Variants in OR56A3 observed in about 807,000 individuals in gnomAD.
The protein encoded by OR56A3 is olfactory receptor 56A3.
OR56A3 carries 23 observed loss-of-function variants against 17.5 expected under a neutral mutation model. That is an observed-to-expected ratio of 1.32 (90% CI 0.95 to 1.87). The LOEUF (loss-of-function observed/expected upper bound fraction) is 1.87, where lower values mean the gene tolerates loss of function less well. Among genes scored for constraint, OR56A3 ranks in the 40% most tolerant of loss-of-function variants. The pLI, the probability that OR56A3 is intolerant of heterozygous loss-of-function variation, is 0.00. For synonymous variants in OR56A3, 175 were observed against 150.6 expected (o/e 1.16, Z -1.19); for missense variants, 366 against 380.1 (o/e 0.96, Z 0.31).
the OR56A3 span, among the ~76,000 whole-genome samples, chr11:6,011,982 A>C: frequency 6.6e-6 from 1 of 152,194 alleles, no homozygotes; most frequent in African/African-American, 2.4e-5. Context: ...GACACCAGGA[A>C]CCATAGGGCC....
the OR56A3 span, among the ~76,000 whole-genome samples, chr11:5,962,587 G>A: frequency 1.7e-4 from 25 of 148,596 alleles, no homozygotes; most frequent in African/African-American, 3.0e-4. Context: ...GCCAGACTGC[G>A]GACTGCAGTG....
At chr11:6,017,571 G>A in the OR56A3 span, among the ~76,000 whole-genome samples, 3 of 152,030 alleles carry the variant, frequency 2.0e-5, no homozygotes, top group Non-Finnish European at 4.4e-5. Flanking sequence ...TAATTCAATC[G>A]CCTCTCACTA....
the OR56A3 span, among the ~76,000 whole-genome samples, chr11:5,998,954 C>T: frequency 1.3e-5 from 2 of 152,190 alleles, no homozygotes; most frequent in Non-Finnish European, 2.9e-5. Context: ...GCATTGGAAG[C>T]CTGGTAGCCT....
chr11:5,995,358 G>C, the OR56A3 span, among the ~76,000 whole-genome samples: 3 of 152,334 alleles, frequency 2.0e-5, no homozygotes, highest in South Asian at 6.2e-4. Flanking sequence ...GGTTCATATG[G>C]CTCTTAACTA....
chr11:5,986,187 C>G, the OR56A3 span: 1 of 1,613,818 alleles, frequency 6.2e-7, no homozygotes, highest in South Asian at 1.1e-5. Context: ...GGGCCTCACT[C>G]CCTGGTACCT....
At chr11:5,952,700 C>T (rs190879561), downstream of OR56A3, among the ~76,000 whole-genome samples, 1 of 152,040 alleles carries the variant, frequency 6.6e-6, no homozygotes, top group Non-Finnish European at 1.5e-5. Flanking sequence ...AGGTTTGTCA[C>T]CTGGGCATAT....
chr11:6,003,208 A>G, the OR56A3 span: 17 of 1,043,286 alleles, frequency 1.6e-5, no homozygotes, highest in Non-Finnish European at 2.1e-5. Flanking sequence ...TATATTCATT[A>G]TCTCATTTCA....
In OR56A3 at chr11:5,947,389, G is replaced by A. The variant is rs1243263591; in HGVS notation, c.43G>A (p.Asp15Asn). ...TGACACCCTCTCCACTGAAGCTTCA[G>A]ACTTCCTCTTGAATTGTTTTGTCAG... The part of the protein sequence containing the change: ...RNDTLSTEAS[D>N]FLLNCFVRSP... The change falls in exon 3 of 3, where the codon GAC becomes AAC. Residue 15 changes from aspartate (D) to asparagine (N), a missense_variant. Physicochemically the swap from Asp to Asn is conservative, Grantham distance 23. Coordinates refer to ENST00000641160, the MANE Select transcript of OR56A3 (RefSeq NM_001003443.3). 1 of 1,613,504 alleles carries A rather than the reference G, an allele frequency of 6.2e-7. No homozygotes were observed. The highest frequency in any genetic ancestry group is 1.3e-5 in the African/African-American group (1 of 75,032).
chr11:6,018,152 G>T, the OR56A3 span, among the ~76,000 whole-genome samples: 1 of 151,932 alleles, frequency 6.6e-6, no homozygotes, highest in South Asian at 2.1e-4. Flanking sequence ...AGGCAGAGAC[G>T]CCAACGCCCA....
At chr11:5,942,566 G>T (rs1847845363) in intron 1 of OR56A3, among the ~76,000 whole-genome samples, 192 bp downstream of exon 1, 3 of 152,128 alleles carry the variant, frequency 2.0e-5, no homozygotes, top group Admixed American at 6.5e-5. Context: ...GAAATTTAGT[G>T]GCTTGAAAAC....
the OR56A3 span, among the ~76,000 whole-genome samples, chr11:5,984,941 G>A: frequency 6.6e-6 from 1 of 152,146 alleles, no homozygotes; most frequent in African/African-American, 2.4e-5. Context: ...CCAGATCTCA[G>A]GGCAACATCA....
the OR56A3 span, among the ~76,000 whole-genome samples, chr11:5,956,824 T>A: frequency 6.6e-6 from 1 of 152,218 alleles, no homozygotes; most frequent in South Asian, 2.1e-4. Context: ...CACATATTTC[T>A]ACACACTTCC....
the OR56A3 span, among the ~76,000 whole-genome samples, chr11:5,963,186 C>T: frequency 6.6e-6 from 1 of 152,006 alleles, no homozygotes; most frequent in Non-Finnish European, 1.5e-5. Flanking sequence ...ATTATTTCTG[C>T]TATTGTCTGT....
At chr11:5,994,632 C>G in the OR56A3 span, 2 of 778,678 alleles carry the variant, frequency 2.6e-6, no homozygotes, top group South Asian at 2.7e-5. Context: ...TCGCTCTTCA[C>G]AGACTGGCAC....
chr11:5,969,222 A>G, the OR56A3 span, among the ~76,000 whole-genome samples: 1 of 152,242 alleles, frequency 6.6e-6, no homozygotes, highest in African/African-American at 2.4e-5. Context: ...TTTCATTAAC[A>G]TTTATAACCA....
chr11:5,973,843 G>T, the OR56A3 span, among the ~76,000 whole-genome samples: 1 of 152,236 alleles, frequency 6.6e-6, no homozygotes, highest in South Asian at 2.1e-4. Flanking sequence ...AAATATGGAG[G>T]GACAAGATTG....
chr11:5,976,255 G>A, the OR56A3 span, among the ~76,000 whole-genome samples: 3 of 151,784 alleles, frequency 2.0e-5, no homozygotes, highest in South Asian at 2.1e-4. Flanking sequence ...AAAAGAAAAG[G>A]AACTTTAAGG....
rs201199906 is a variant in OR56A3 at position 5,948,118 on chromosome 11, A to G, written c.772A>G (p.Ile258Val). The G allele has an allele frequency of 1.9e-6, 3 of 1,614,180 alleles. No individual in the cohort carries two copies. Among genetic ancestry groups the G allele is most frequent in the Non-Finnish European group, 8.5e-7 (1 of 1,180,018 alleles). ...HFMLILFFST[I>V]LLVFVLTHVA... ...CATGCTCATCCTCTTCTTCAGCACC[A>G]TCCTTCTGGTTTTTGTCCTCACACA... The change falls in exon 3 of 3, where the codon ATC becomes GTC. Residue 258 changes from isoleucine (I) to valine (V), a missense_variant. By Grantham distance (29) the Ile-to-Val change is conservative. Coordinates refer to ENST00000641160, the MANE Select transcript of OR56A3 (RefSeq NM_001003443.3).
chr11:6,017,718 A>G, the OR56A3 span, among the ~76,000 whole-genome samples: 2 of 152,222 alleles, frequency 1.3e-5, no homozygotes, highest in Non-Finnish European at 2.9e-5. Context: ...CTCATCTGTC[A>G]GTAATAACTT....
Sources: gnomAD v4.1 joint callset for allele counts (sites outside exome capture counted in the v4.1 genomes callset) on GRCh38, gnomAD v4.1.1 for gene constraint, MANE v1.5 for transcripts, NCBI Gene and HGNC (gene_info 2026-07-23, HGNC 2026-07-21) for gene names.